ARAP2: variants seen among roughly 807,000 people sequenced by gnomAD.
The protein encoded by ARAP2 is arf-GAP with Rho-GAP domain, ANK repeat and PH domain-containing protein 2.
A neutral mutation model predicts 194.5 loss-of-function variants in ARAP2; 148 were observed. That is an observed-to-expected ratio of 0.76 (90% CI 0.67 to 0.87). The LOEUF (loss-of-function observed/expected upper bound fraction) is 0.87, where lower values mean the gene tolerates loss of function less well. ARAP2 is among the 40% of genes least tolerant of loss of function. The pLI, the probability that ARAP2 is intolerant of heterozygous loss-of-function variation, is 0.00. For missense variants in ARAP2, 2,128 were observed against 1,989.7 expected, an observed-to-expected ratio of 1.07 and a Z score of -1.32; for synonymous variants, 695 against 683.5, an observed-to-expected ratio of 1.02 and a Z score of -0.26.
intron 27 of ARAP2, among the ~76,000 whole-genome samples, chr4:36,102,890 G>A (rs760335962): frequency 6.6e-6 from 1 of 151,466 alleles, no homozygotes; most frequent in Non-Finnish European, 1.5e-5. Context: ...CAGGAAATTG[G>A]TACTCCATAG....
chr4:36,015,973 C>A (rs1715715448), intron 6 of ARAP2: 1 of 152,090 alleles, frequency 6.6e-6, no homozygotes, highest in Non-Finnish European at 1.5e-5. Context: ...AAAAACATTG[C>A]ATATGTGTAA....
At chr4:36,137,643 GT>G (rs200449741) in intron 19 of ARAP2, among the ~76,000 whole-genome samples, 1 of 151,264 alleles carries the variant, frequency 6.6e-6, no homozygotes, top group South Asian at 2.1e-4. Context: ...TCTCTGCCAA[GT>G]TTTTTTTTCC....
At chr4:36,183,300 A>AT (rs904088885) in intron 8 of ARAP2, among the ~76,000 whole-genome samples, 11 of 151,394 alleles carry the variant, frequency 7.3e-5, no homozygotes, top group African/African-American at 2.7e-4. Flanking sequence ...TTTTAATTAA[A>AT]AAAAAAGACT....
At chr4:36,096,162 G>A (rs972181561) in intron 27 of ARAP2, among the ~76,000 whole-genome samples, 5 of 151,882 alleles carry the variant, frequency 3.3e-5, no homozygotes, top group African/African-American at 1.2e-4. Flanking sequence ...TCAAGAGCTT[G>A]AGACCAGCCT....
rs376546925 is a variant in ARAP2 at position 36,148,436 on chromosome 4, G to T, written c.2969C>A (p.Ala990Asp). Residue 990 changes from alanine (A) to aspartate (D), a missense_variant, in exon 17 of 33, where the codon GCT becomes GAT. By Grantham distance (126) the Ala-to-Asp change is moderately radical (BLOSUM62 -2). Transcript: ENST00000303965. ...TATTGCCTCTGTCCATTTTCTTTGA[G>T]CTTGAGATGTTTCAGCTCCAAATAA... ...VFLFGAETSQAQRKWTEAIAK... is the reference protein window; with the variant it reads ...VFLFGAETSQDQRKWTEAIAK... 7.4e-6 allele frequency: 12 copies of T among 1,613,032 alleles called. No individual in the cohort carries two copies. Among genetic ancestry groups the T allele is most frequent in the Middle Eastern group, 1.7e-4 (1 of 6,058 alleles).
intron 2 of ARAP2, among the ~76,000 whole-genome samples, chr4:36,052,828 C>T (rs532571487): frequency 5.9e-5 from 9 of 152,014 alleles, no homozygotes; most frequent in Non-Finnish European, 1.2e-4. Flanking sequence ...ATGAGCCGGG[C>T]GTGGTGGCGG....
chr4:36,167,952 A>C (rs533675334), intron 9 of ARAP2, among the ~76,000 whole-genome samples: 37 of 152,100 alleles, frequency 2.4e-4, no homozygotes, highest in Non-Finnish European at 4.7e-4. Context: ...ATTCAGACTA[A>C]ATGTGCTCTG....
At chr4:36,193,127 T>C (rs1453560732) in intron 7 of ARAP2, among the ~76,000 whole-genome samples, 2 of 152,218 alleles carry the variant, frequency 1.3e-5, no homozygotes, top group African/African-American at 2.4e-5. Flanking sequence ...TTAACACCTC[T>C]CTATATCTTC....
At chr4:36,187,118 ATAAC>A (rs957737524) in intron 8 of ARAP2, among the ~76,000 whole-genome samples, 50 of 152,358 alleles carry the variant, frequency 3.3e-4, no homozygotes, top group Middle Eastern at 3.4e-3. Flanking sequence ...TGCATATCAA[ATAAC>A]TATTTTGCAT....
intron 6 of ARAP2, among the ~76,000 whole-genome samples, chr4:36,197,260 T>A (rs1743314858): frequency 6.6e-6 from 1 of 152,130 alleles, no homozygotes; most frequent in South Asian, 2.1e-4. Context: ...GAGTACAGAA[T>A]CCATTTCTGT....
chr4:36,170,382 G>A lies in ARAP2; in HGVS notation c.1858-3335C>T, dbSNP rs375283683. ...GTGAGAGGATTGCTTGAGGCCAGGA[G>A]TTCAAGACCAGCCTGAGCAACATAG... is the stretch of plus-strand genomic sequence containing the variant. On this transcript the variant is annotated intron_variant, in intron 9 of 32. Coordinates refer to ENST00000303965, the MANE Select transcript of ARAP2 (RefSeq NM_015230.4). 2.7e-4 allele frequency among the ~76,000 whole-genome samples: 41 copies of A among 152,312 alleles called. No homozygotes were observed. In the East Asian group the frequency reaches 4.6e-3, roughly 17 times the overall value.
At chr4:36,029,573 T>C (rs1344234015) in intron 5 of ARAP2, among the ~76,000 whole-genome samples, 1 of 152,088 alleles carries the variant, frequency 6.6e-6, no homozygotes, top group Non-Finnish European at 1.5e-5. Context: ...AAATGTTATT[T>C]CTTTTAATAC....
chr4:36,156,970 G>A (rs1236653517), intron 15 of ARAP2, among the ~76,000 whole-genome samples: 13 of 152,024 alleles, frequency 8.6e-5, no homozygotes, highest in Admixed American at 8.5e-4. Context: ...GAATTATTTA[G>A]TTACAATTGT....
Position 36,034,291 on chromosome 4 carries a change from C to G in ARAP2, n.607+11688G>C, listed in dbSNP as rs73123403. On this transcript the variant is annotated intron_variant and non_coding_transcript_variant, in intron 5 of 12. Transcript: ENST00000503225. ...TATAACTGAGCATGAAAATATTTTC[C>G]ATATGTTTGTGTCTTCTCTGATTCC... Among the ~76,000 whole-genome samples the G allele has an allele frequency of 5.4e-3, 822 of 152,120 alleles. 9 individuals carry two copies. Among genetic ancestry groups the G allele is most frequent in the African/African-American group, 0.019 (781 of 41,486 alleles).
chr4:36,223,418 T>G (rs777514287), intron 2 of ARAP2, among the ~76,000 whole-genome samples: 6 of 152,144 alleles, frequency 3.9e-5, no homozygotes, highest in Non-Finnish European at 8.8e-5. Context: ...TCAATTGTGA[T>G]GGGCTGACCT....
intron 2 of ARAP2, among the ~76,000 whole-genome samples, chr4:36,223,226 T>C (rs533975891): frequency 3.3e-5 from 5 of 152,264 alleles, no homozygotes; most frequent in African/African-American, 1.2e-4. Flanking sequence ...AAACTTATGT[T>C]CAAATGGAAA....
At chr4:36,152,426 T>C (rs923123026) in intron 15 of ARAP2, among the ~76,000 whole-genome samples, 44 of 151,428 alleles carry the variant, frequency 2.9e-4, no homozygotes, top group Non-Finnish European at 1.5e-4. Flanking sequence ...TCAAAGGGAG[T>C]TTGGAAGTAA....
At chr4:36,243,177 C>A (rs1308294835) in intron 1 of ARAP2, among the ~76,000 whole-genome samples, 1 of 151,636 alleles carries the variant, frequency 6.6e-6, no homozygotes, top group East Asian at 1.9e-4. Context: ...TACTTACGGG[C>A]AAAGTTCCAT....
At chr4:36,026,767 T>C (rs1717984033) in intron 5 of ARAP2, among the ~76,000 whole-genome samples, 1 of 152,190 alleles carries the variant, frequency 6.6e-6, no homozygotes, top group South Asian at 2.1e-4. Context: ...TCAGGGTGCC[T>C]CTCGGGACAG....
Sources: gnomAD v4.1 joint callset for allele counts (sites outside exome capture counted in the v4.1 genomes callset) on GRCh38, gnomAD v4.1.1 for gene constraint, MANE v1.5 for transcripts, NCBI Gene and HGNC (gene_info 2026-07-23, HGNC 2026-07-21) for gene names.